CSMD1: variants seen among roughly 807,000 people sequenced by gnomAD.
CSMD1 encodes CUB and sushi domain-containing protein 1.
CSMD1 carries 213 observed loss-of-function variants against 417.5 expected under a neutral mutation model. That is an observed-to-expected ratio of 0.51 (90% CI 0.46 to 0.57). The LOEUF (loss-of-function observed/expected upper bound fraction) is 0.57. CSMD1 is among the 20% of genes least tolerant of loss of function. The pLI is 0.00. For synonymous variants in CSMD1, 2,862 were observed against 1,736.8 expected (o/e 1.65, Z -16.11); for missense variants, 6,923 against 4,529.7 (o/e 1.53, Z -15.17).
intron 1 of CSMD1, among the ~76,000 whole-genome samples, chr8:4,791,826 AC>A (rs1797706322): frequency 6.6e-6 from 1 of 152,220 alleles, no homozygotes; most frequent in African/African-American, 2.4e-5. Context: ...ACACTGACCT[AC>A]AAAATTCCAA....
chr8:3,857,497 T>G (rs932658621), intron 5 of CSMD1, among the ~76,000 whole-genome samples: 1 of 152,156 alleles, frequency 6.6e-6, no homozygotes, highest in Non-Finnish European at 1.5e-5. Context: ...TGAGGATACC[T>G]AAGTCCAGAA....
intron 3 of CSMD1, among the ~76,000 whole-genome samples, chr8:4,121,620 T>A (rs1585360052): frequency 6.9e-6 from 1 of 144,102 alleles, no homozygotes; most frequent in African/African-American, 2.6e-5. Flanking sequence ...ACACCTAGTT[T>A]AAAAAAAAAA....
At chr8:4,643,851 C>T (rs913555252) in intron 1 of CSMD1, among the ~76,000 whole-genome samples, 5 of 152,252 alleles carry the variant, frequency 3.3e-5, no homozygotes, top group African/African-American at 9.6e-5. Flanking sequence ...TAAGGGTTTT[C>T]AGAATTAAAG....
rs189114478 is a variant in CSMD1, at chr8:3,404,483, T to G, written c.2266+1544A>C. ...ATGGAGGAGTTTAATGCTCCACACC[T>G]AGACCCCAGCTCTGCTTAGAGTCCT... On this transcript the variant is annotated intron_variant, in intron 15 of 69. Coordinates refer to ENST00000635120, the MANE Select transcript of CSMD1 (RefSeq NM_033225.6). 7.9e-4 allele frequency among the ~76,000 whole-genome samples: 120 copies of G among 152,262 alleles called. 1 individual carries two copies. In the East Asian group the frequency reaches 0.012, roughly 15 times the overall value.
At chr8:3,021,890 C>T (rs1439105967) in intron 51 of CSMD1, among the ~76,000 whole-genome samples, 2 of 148,196 alleles carry the variant, frequency 1.3e-5, no homozygotes, top group African/African-American at 5.0e-5. Flanking sequence ...GTCCGGAATG[C>T]ACCTGCAATC....
chr8:4,164,316 A>G (rs1256804657), intron 3 of CSMD1, among the ~76,000 whole-genome samples: 1 of 152,214 alleles, frequency 6.6e-6, no homozygotes, highest in African/African-American at 2.4e-5. Context: ...ATCCATCTAC[A>G]TTTAAAAACA....
intron 5 of CSMD1, among the ~76,000 whole-genome samples, chr8:3,902,940 T>A (rs974474986): frequency 6.6e-6 from 1 of 152,182 alleles, no homozygotes; most frequent in African/African-American, 2.4e-5. Context: ...TTTCCAGCTC[T>A]ACCTCCCTGA....
At chr8:2,939,214 G>A (rs994868343) in intron 69 of CSMD1, among the ~76,000 whole-genome samples, 7 of 152,158 alleles carry the variant, frequency 4.6e-5, no homozygotes, top group African/African-American at 1.2e-4. Context: ...TAAGTTATAC[G>A]GCCTTGGTTA....
chr8:3,319,364 G>T (rs551973201), intron 23 of CSMD1, among the ~76,000 whole-genome samples: 2 of 152,190 alleles, frequency 1.3e-5, no homozygotes, highest in East Asian at 3.9e-4. Flanking sequence ...AATACACAAA[G>T]AATTTGGTAT....
At chr8:3,854,801 C>T (rs544050984) in intron 5 of CSMD1, among the ~76,000 whole-genome samples, 1 of 151,898 alleles carries the variant, frequency 6.6e-6, no homozygotes, top group Admixed American at 6.6e-5. Flanking sequence ...TCATATCGAG[C>T]TGTTGATTAT....
intron 10 of CSMD1, among the ~76,000 whole-genome samples, chr8:3,563,897 A>T (rs1337189774): frequency 6.6e-6 from 1 of 152,202 alleles, no homozygotes; most frequent in East Asian, 1.9e-4. Flanking sequence ...TCAAAAAAAC[A>T]AAAACAGACA....
chr8:3,141,381 A>T (rs1456863884), intron 41 of CSMD1, among the ~76,000 whole-genome samples: 1 of 152,206 alleles, frequency 6.6e-6, no homozygotes, highest in Non-Finnish European at 1.5e-5. Flanking sequence ...TTAATTTGGG[A>T]AGGAATTCAA....
chr8:3,812,969 G>C (rs1311106794), intron 5 of CSMD1, among the ~76,000 whole-genome samples: 1 of 152,076 alleles, frequency 6.6e-6, no homozygotes, highest in Non-Finnish European at 1.5e-5. Flanking sequence ...AACAGGCAGT[G>C]CAATTTCTTG....
chr8:4,145,562 T>A (rs1804060960), intron 3 of CSMD1, among the ~76,000 whole-genome samples: 1 of 151,058 alleles, frequency 6.6e-6, no homozygotes, highest in Non-Finnish European at 1.5e-5. Flanking sequence ...ACATTGTTAT[T>A]ATTTTTTGTG....
intron 12 of CSMD1, among the ~76,000 whole-genome samples, chr8:3,424,010 T>C (rs1291746965): frequency 6.6e-6 from 1 of 152,198 alleles, no homozygotes; most frequent in Admixed American, 6.5e-5. Context: ...AAAAGTGGTC[T>C]CTCCAAGCTC....
intron 3 of CSMD1, among the ~76,000 whole-genome samples, chr8:4,308,029 G>T (rs1171873806): frequency 6.6e-6 from 1 of 152,162 alleles, no homozygotes; most frequent in East Asian, 1.9e-4. Context: ...ATACTACAGA[G>T]CAACGCCAGA....
intron 3 of CSMD1, among the ~76,000 whole-genome samples, chr8:4,237,534 CT>C (rs11433104): frequency 0.42 from 63,252 of 149,250 alleles, 13,785 homozygotes; most frequent in South Asian, 0.61. Flanking sequence ...GTCAATACTA[CT>C]TTTTTTTTTT....
At chr8:3,335,247 G>A (rs1006550898) in intron 23 of CSMD1, among the ~76,000 whole-genome samples, 7 of 152,210 alleles carry the variant, frequency 4.6e-5, no homozygotes, top group Non-Finnish European at 7.4e-5. Flanking sequence ...TCTGTGTTAC[G>A]AATTCACAGT....
intron 3 of CSMD1, among the ~76,000 whole-genome samples, chr8:4,138,166 G>T (rs146703932): frequency 2.5e-5 from 2 of 79,568 alleles, no homozygotes; most frequent in South Asian, 4.5e-4. Flanking sequence ...CCTCCCACCT[G>T]GGCCTCCCAA....
Sources: gnomAD v4.1 joint callset for allele counts (sites outside exome capture counted in the v4.1 genomes callset) on GRCh38, gnomAD v4.1.1 for gene constraint, MANE v1.5 for transcripts, NCBI Gene and HGNC (gene_info 2026-07-23, HGNC 2026-07-21) for gene names.